Variants in GPC6 observed in about 807,000 individuals in gnomAD.
GPC6 encodes glypican-6.
In GPC6, 14 loss-of-function variants were observed where a neutral mutation model predicts 55.2. That is an observed-to-expected ratio of 0.25 (90% CI 0.17 to 0.40). The LOEUF is 0.40. Among genes scored for constraint, GPC6 ranks in the 10% least tolerant of loss-of-function variants. The pLI is 1.00. For synonymous variants in GPC6, 278 were observed against 259.6 expected, an observed-to-expected ratio of 1.07 and a Z score of -0.68; for missense variants, 641 against 708.5, an observed-to-expected ratio of 0.90 and a Z score of 1.08.
rs139632801 is a variant in GPC6 at position 93,597,816 on chromosome 13, A to T, written c.319+52395A>T. Among the ~76,000 whole-genome samples, 597 of 152,294 alleles carry T rather than the reference A, an allele frequency of 3.9e-3. 3 individuals carry two copies. The highest frequency in any genetic ancestry group is 0.027 in the Middle Eastern group (8 of 294). On this transcript the variant is annotated intron_variant, in intron 2 of 8. Coordinates refer to ENST00000377047, the MANE Select transcript of GPC6 (RefSeq NM_005708.5). ...CTTATCAGTAAGGCTTCTAGTCAGC[A>T]GTAGGGTTTTAATAGTTATGCTTCT...
At chr13:93,763,497 T>C (rs577594440) in intron 2 of GPC6, among the ~76,000 whole-genome samples, 1 of 152,292 alleles carries the variant, frequency 6.6e-6, no homozygotes, top group East Asian at 1.9e-4. Context: ...TCCCTGCACC[T>C]ACTCTCTCGG....
At chr13:93,432,118 T>A (rs1433819823) in intron 1 of GPC6, among the ~76,000 whole-genome samples, 6 of 152,160 alleles carry the variant, frequency 3.9e-5, no homozygotes, top group Non-Finnish European at 8.8e-5. Flanking sequence ...GGACAGAAGT[T>A]GTTTTTCCTA....
intron 4 of GPC6, among the ~76,000 whole-genome samples, chr13:94,116,052 A>G (rs1412945): frequency 0.013 from 2,051 of 152,202 alleles, 42 homozygotes; most frequent in South Asian, 0.067. Context: ...AAAATATAGG[A>G]TAATTATAAA....
chr13:94,288,883 C>CAAA (rs1311794451), intron 5 of GPC6, among the ~76,000 whole-genome samples: 24 of 5,400 alleles, frequency 4.4e-3, no homozygotes, highest in South Asian at 0.043. Context: ...ATATATATAA[C>CAAA]TAATATATAT....
rs532405596 is a variant in GPC6 at position 93,430,221 on chromosome 13, T to C, written c.161-115042T>C. The stretch of plus-strand genomic sequence containing the variant: ...GTCATGTCATGTAAATAAAGTGATA[T>C]ATTTTTTAAGTCTTGAGAATTCTTT... On this transcript the variant is annotated intron_variant, in intron 1 of 8. Coordinates refer to ENST00000377047, the MANE Select transcript of GPC6 (RefSeq NM_005708.5). Among the ~76,000 whole-genome samples, 4 of 152,280 alleles carry C rather than the reference T, an allele frequency of 2.6e-5. No individual in the cohort carries two copies. The South Asian group carries it at 8.3e-4, about 32-fold the overall frequency.
chr13:94,176,189 C>G (rs970861870), intron 4 of GPC6, among the ~76,000 whole-genome samples: 1 of 151,954 alleles, frequency 6.6e-6, no homozygotes, highest in African/African-American at 2.4e-5. Flanking sequence ...CAATAAGACC[C>G]TTTCATTTCA....
At chr13:94,212,887 G>T (rs1489710860) in intron 4 of GPC6, among the ~76,000 whole-genome samples, 1 of 152,258 alleles carries the variant, frequency 6.6e-6, no homozygotes, top group East Asian at 1.9e-4. Flanking sequence ...GCCGGGCACG[G>T]TGGCTCACGC....
chr13:93,892,324 G>A (rs1360723899), intron 3 of GPC6, among the ~76,000 whole-genome samples: 1 of 152,112 alleles, frequency 6.6e-6, no homozygotes, highest in Non-Finnish European at 1.5e-5. Flanking sequence ...GGGTAGCAAA[G>A]AAAATGACAG....
chr13:93,741,030 G>A (rs1884180313), intron 2 of GPC6, among the ~76,000 whole-genome samples: 1 of 149,422 alleles, frequency 6.7e-6, no homozygotes, highest in Admixed American at 6.7e-5. Context: ...AATTATTGAA[G>A]AAACCAAATA....
chr13:93,448,327 A>G (rs1318910420), intron 1 of GPC6, among the ~76,000 whole-genome samples: 1 of 152,210 alleles, frequency 6.6e-6, no homozygotes, highest in East Asian at 1.9e-4. Flanking sequence ...GCCTAAGAGC[A>G]AAAGACTATA....
intron 2 of GPC6, among the ~76,000 whole-genome samples, chr13:93,722,573 T>C (rs563417948): frequency 1.9e-4 from 29 of 151,984 alleles, no homozygotes; most frequent in Non-Finnish European, 3.4e-4. Flanking sequence ...AGATTTTTAT[T>C]TCAAATATCA....
chr13:93,577,682 T>A (rs1407587693), intron 2 of GPC6, among the ~76,000 whole-genome samples: 3 of 151,960 alleles, frequency 2.0e-5, no homozygotes, highest in Admixed American at 2.0e-4. Flanking sequence ...GAAAACAATT[T>A]CAATCTGGAT....
At chr13:93,992,912 C>G (rs982205692) in intron 3 of GPC6, among the ~76,000 whole-genome samples, 1 of 152,180 alleles carries the variant, frequency 6.6e-6, no homozygotes, top group Admixed American at 6.5e-5. Context: ...TCTCTAAACT[C>G]ATCATTTCTC....
At chr13:93,728,960 C>G (rs183938068) in intron 2 of GPC6, among the ~76,000 whole-genome samples, 1 of 152,252 alleles carries the variant, frequency 6.6e-6, no homozygotes, top group East Asian at 1.9e-4. Context: ...CATAATCAGT[C>G]TACAACTAAT....
chr13:94,076,117 A>G (rs1040123065), intron 4 of GPC6, among the ~76,000 whole-genome samples: 1 of 149,408 alleles, frequency 6.7e-6, no homozygotes, highest in African/African-American at 2.5e-5. Flanking sequence ...ATCCTACCCA[A>G]CACTTATTAT....
intron 1 of GPC6, among the ~76,000 whole-genome samples, chr13:93,534,521 T>C (rs1881981371): frequency 6.6e-6 from 1 of 151,960 alleles, no homozygotes; most frequent in Non-Finnish European, 1.5e-5. Context: ...CCCTCCTGTC[T>C]CCTCCTCTTT....
At chr13:93,622,072 CT>C (rs1878978334) in intron 2 of GPC6, among the ~76,000 whole-genome samples, 1 of 152,076 alleles carries the variant, frequency 6.6e-6, no homozygotes, top group Admixed American at 6.6e-5. Context: ...CTTCCTCCAA[CT>C]TTTTTAGTTC....
intron 4 of GPC6, among the ~76,000 whole-genome samples, chr13:94,144,294 C>G (rs974000386): frequency 1.3e-5 from 2 of 151,994 alleles, no homozygotes; most frequent in South Asian, 2.1e-4. Context: ...TTTTCCAATT[C>G]ATGACCCCAA....
chr13:94,368,637 A>C (rs1186854955), intron 6 of GPC6, among the ~76,000 whole-genome samples: 1 of 149,704 alleles, frequency 6.7e-6, no homozygotes, highest in Non-Finnish European at 1.5e-5. Context: ...GTGTTTATAG[A>C]TATTTGGCCA....
Sources: gnomAD v4.1 joint callset for allele counts (sites outside exome capture counted in the v4.1 genomes callset) on GRCh38, gnomAD v4.1.1 for gene constraint, MANE v1.5 for transcripts, NCBI Gene and HGNC (gene_info 2026-07-23, HGNC 2026-07-21) for gene names.